SBF2: variants seen among roughly 807,000 people sequenced by gnomAD.
SBF2 encodes SET binding factor 2.
Under a neutral mutation model 225.2 loss-of-function variants are expected in SBF2, and 112 were observed. The observed-to-expected ratio is 0.50, with a 90% CI of 0.43 to 0.58. The LOEUF (loss-of-function observed/expected upper bound fraction) is 0.58. Among genes scored for constraint, SBF2 ranks in the 20% least tolerant of loss-of-function variants. SBF2 has a pLI of 0.00. For synonymous variants in SBF2, 763 were observed against 773.3 expected, an observed-to-expected ratio of 0.99 and a Z score of 0.22; for missense variants, 1,996 against 2,206.2, an observed-to-expected ratio of 0.90 and a Z score of 1.91.
intron 2 of SBF2, among the ~76,000 whole-genome samples, chr11:10,043,977 G>T (rs1185144154): frequency 2.6e-5 from 4 of 152,170 alleles, no homozygotes; most frequent in Non-Finnish European, 5.9e-5. Context: ...CAAAATTTGT[G>T]TGATGTGATG....
intron 3 of SBF2, among the ~76,000 whole-genome samples, chr11:10,036,311 A>G (rs1208619874): frequency 6.6e-6 from 1 of 152,150 alleles, no homozygotes; most frequent in Non-Finnish European, 1.5e-5. Flanking sequence ...TATTTAATGT[A>G]GATGACAGGT....
At chr11:10,063,850 C>CG (rs1950533427) in intron 2 of SBF2, among the ~76,000 whole-genome samples, 1 of 134,638 alleles carries the variant, frequency 7.4e-6, no homozygotes, top group Non-Finnish European at 1.6e-5. Context: ...CACACACACA[C>CG]ACACACACAG....
At chr11:10,212,158 T>G (rs1388279658) in intron 1 of SBF2, among the ~76,000 whole-genome samples, 1 of 152,180 alleles carries the variant, frequency 6.6e-6, no homozygotes, top group African/African-American at 2.4e-5. Flanking sequence ...GGGAACTAAT[T>G]TGGGGATTCT....
Position 9,832,327 on chromosome 11 carries a change from T to A in SBF2, c.3549A>T (p.Val1183=). 1.2e-6 allele frequency: 2 copies of A among 1,614,116 alleles called. No homozygotes were observed. Among genetic ancestry groups the A allele is most frequent in the East Asian group, 2.2e-5 (1 of 44,878 alleles). Residue 1183 remains valine (V), a synonymous_variant, in exon 27 of 40, where the codon GTA becomes GTT. Coordinates refer to ENST00000256190, the MANE Select transcript of SBF2 (RefSeq NM_030962.4). ...TACCACTTCTTGAGTTCTTCCAACA[T>A]ACAACAGGCAGGCGATTGTGTCGAT... ...RCYRHNRLPV[V]CWKNSRSGTL...
chr11:10,095,551 TA>T (rs56776534), intron 2 of SBF2, among the ~76,000 whole-genome samples: 78,224 of 151,882 alleles, frequency 0.52, 20,583 homozygotes, highest in Admixed American at 0.6. Context: ...CAAGCTTTTT[TA>T]AAAAAAATCA....
chr11:10,229,211 T>C (rs1025773905), intron 1 of SBF2, among the ~76,000 whole-genome samples: 1 of 152,200 alleles, frequency 6.6e-6, no homozygotes, highest in African/African-American at 2.4e-5. Flanking sequence ...CTCTCTTTTC[T>C]TCTTTATTAC....
intron 2 of SBF2, among the ~76,000 whole-genome samples, chr11:10,055,940 T>A (rs1405242255): frequency 6.6e-6 from 1 of 151,630 alleles, no homozygotes; most frequent in Admixed American, 6.6e-5. Context: ...AATAAAAAAA[T>A]TTAAAATGAA....
intron 2 of SBF2, among the ~76,000 whole-genome samples, chr11:10,141,308 A>C (rs1954630793): frequency 1.3e-5 from 2 of 152,202 alleles, no homozygotes; most frequent in Admixed American, 6.5e-5. Context: ...CTTGATGGGA[A>C]TAGCTAAAGA....
At chr11:9,858,427 G>A in intron 17 of SBF2, 31 bp from the exon 18 acceptor site, 2 of 1,611,586 alleles carry the variant, frequency 1.2e-6, no homozygotes, top group Non-Finnish European at 1.7e-6. Flanking sequence ...CATCATCATG[G>A]GGCTGGCAGA....
intron 16 of SBF2, among the ~76,000 whole-genome samples, chr11:9,919,893 G>A (rs1007363805): frequency 6.6e-6 from 1 of 151,874 alleles, no homozygotes; most frequent in Non-Finnish European, 1.5e-5. Context: ...CACCATGCCC[G>A]GCTAATTTTG....
chr11:10,167,984 C>G (rs1305722139), intron 2 of SBF2, among the ~76,000 whole-genome samples: 1 of 152,236 alleles, frequency 6.6e-6, no homozygotes, highest in Admixed American at 6.5e-5. Context: ...TGCCACTGCA[C>G]TCCAGCCTCT....
chr11:9,858,448 T>C (rs1167378496), intron 17 of SBF2, 52 bp from the exon 18 acceptor site: 4 of 1,570,538 alleles, frequency 2.5e-6, no homozygotes, highest in South Asian at 2.2e-5. Flanking sequence ...ATTATAACAG[T>C]TCATAAGGTC....
chr11:10,294,709 C>CT (rs1302689978), upstream of SBF2, among the ~76,000 whole-genome samples: 14 of 152,214 alleles, frequency 9.2e-5, no homozygotes, highest in Admixed American at 5.9e-4. Flanking sequence ...GAGGGAGAGG[C>CT]TTTTACGCAA....
chr11:10,014,910 G>A (rs1280684297), intron 6 of SBF2, among the ~76,000 whole-genome samples: 1 of 151,910 alleles, frequency 6.6e-6, no homozygotes, highest in African/African-American at 2.4e-5. Context: ...TAGGTAGATC[G>A]CTTGAGCCCA....
intron 2 of SBF2, among the ~76,000 whole-genome samples, chr11:10,086,211 G>A (rs537271226): frequency 1.3e-4 from 20 of 151,692 alleles, no homozygotes; most frequent in Non-Finnish European, 1.8e-4. Context: ...TTTTGAACTC[G>A]GCCCTGCCTT....
intron 3 of SBF2, among the ~76,000 whole-genome samples, chr11:10,032,574 G>A (rs1340199225): frequency 6.6e-6 from 1 of 152,124 alleles, no homozygotes; most frequent in Non-Finnish European, 1.5e-5. Flanking sequence ...ATAAGCTTTT[G>A]CTGACAATGT....
intron 2 of SBF2, among the ~76,000 whole-genome samples, chr11:10,135,238 G>T (rs1216096925): frequency 1.3e-5 from 2 of 151,980 alleles, no homozygotes; most frequent in African/African-American, 4.8e-5. Context: ...TCCCTAGACT[G>T]CACACAGCAG....
intron 2 of SBF2, among the ~76,000 whole-genome samples, chr11:10,063,263 C>T (rs1950509663): frequency 6.6e-6 from 1 of 151,720 alleles, no homozygotes; most frequent in Non-Finnish European, 1.5e-5. Flanking sequence ...GTACAACAAA[C>T]CCCCGACACA....
intron 33 of SBF2, among the ~76,000 whole-genome samples, chr11:9,792,574 A>G (rs1007456655): frequency 6.6e-6 from 1 of 152,204 alleles, no homozygotes; most frequent in Non-Finnish European, 1.5e-5. Flanking sequence ...TAACGAGTGC[A>G]TCTACCAGAA....
Sources: gnomAD v4.1 joint callset for allele counts (sites outside exome capture counted in the v4.1 genomes callset) on GRCh38, gnomAD v4.1.1 for gene constraint, MANE v1.5 for transcripts, NCBI Gene and HGNC (gene_info 2026-07-23, HGNC 2026-07-21) for gene names.